Variants in GNA15 observed in about 807,000 individuals in gnomAD.
The protein encoded by GNA15 is G protein subunit alpha 15, also known as guanine nucleotide-binding protein subunit alpha-15.
A neutral mutation model predicts 40.1 loss-of-function variants in GNA15; 23 were observed. The ratio of observed to expected loss-of-function variants is 0.57; its 90% CI spans 0.41 to 0.81. The LOEUF is 0.81. GNA15 is among the 40% of genes least tolerant of loss of function. GNA15 has a pLI of 0.00. For missense variants in GNA15, 522 were observed against 515.8 expected, an observed-to-expected ratio of 1.01 and a Z score of -0.12; for synonymous variants, 226 against 210.4, an observed-to-expected ratio of 1.07 and a Z score of -0.64.
chr19:3,155,681 G>A lies in GNA15; in HGVS notation c.615-142G>A. 1.1e-6 allele frequency: 1 copy of A among 930,502 alleles called. No individual in the cohort carries two copies. The highest frequency in any genetic ancestry group is 1.6e-6 in the Non-Finnish European group (1 of 617,184). The allele number at this position is 930,502 out of a possible 1,614,324, so 57.6% of individuals were successfully genotyped here. A position where few individuals can be genotyped will look rare whatever the true frequency, so the allele number is the denominator to read the frequency against. On this transcript the variant is annotated intron_variant, in intron 4 of 6. Transcript: ENST00000262958. This position sits in a 1 kb window ranked among gnomAD's most constrained non-coding sequence, Gnocchi z 5.6. ...AGACTCATCCTTGCCTCGCGGGAATGACATGGCAAATCCACGAGAGGCTAG... is the reference window on the plus strand; with the variant it reads ...AGACTCATCCTTGCCTCGCGGGAATAACATGGCAAATCCACGAGAGGCTAG...
intron 1 of GNA15, among the ~76,000 whole-genome samples, chr19:3,147,226 AAAT>A (rs1914745317): frequency 6.6e-6 from 1 of 152,232 alleles, no homozygotes. Context: ...TTATTGTAGC[AAAT>A]AATAATACAT....
chr19:3,153,323 G>T (rs1914925326), intron 4 of GNA15, among the ~76,000 whole-genome samples: 1 of 151,792 alleles, frequency 6.6e-6, no homozygotes, highest in Admixed American at 6.6e-5. Flanking sequence ...ATGGATAGAT[G>T]AATAGATGGA....
chr19:3,136,446 G>A lies in GNA15; in HGVS notation c.-5G>A, dbSNP rs867190636. 37 of 1,548,134 alleles carry A rather than the reference G, an allele frequency of 2.4e-5. No individual in the cohort carries two copies. The highest frequency in any genetic ancestry group is 2.9e-5 in the Non-Finnish European group (33 of 1,146,534). Reference sequence around the variant, plus strand: ...CCACCCGGTGCCGACTGAGGCCACCGCACCATGGCCCGCTCGCTGACCTGG... The same window carrying A: ...CCACCCGGTGCCGACTGAGGCCACCACACCATGGCCCGCTCGCTGACCTGG... On this transcript the variant is annotated 5_prime_UTR_variant, in exon 1 of 7. Coordinates refer to ENST00000262958, the MANE Select transcript of GNA15 (RefSeq NM_002068.4). The surrounding 1 kb of genome is among the most constrained non-coding windows in gnomAD (Gnocchi z 4.9).
chr19:3,145,359 A>ATATATTTT lies in GNA15; in HGVS notation c.146-3231_146-3230insATATTTTT. 3.2e-3 allele frequency among the ~76,000 whole-genome samples: 148 copies of ATATATTTT among 46,962 alleles called. 2 individuals are homozygous for ATATATTTT. The highest frequency in any genetic ancestry group is 5.8e-3 in the African/African-American group (63 of 10,912). 30.8% of individuals were successfully genotyped at this position (46,962 alleles called of 152,430 possible). A position where few individuals can be genotyped will look rare whatever the true frequency, so the allele number is the denominator to read the frequency against. Reference sequence around the variant, plus strand: ...TAAATATATATATATATATATATATATTTTTTTTTTTTTGTAGAGATGGGG... The same window carrying ATATATTTT: ...TAAATATATATATATATATATATATATATATTTTTTTTTTTTTTTTTGTAGAGATGGGG... On this transcript the variant is annotated intron_variant, in intron 1 of 6. Coordinates refer to ENST00000262958, the MANE Select transcript of GNA15 (RefSeq NM_002068.4).
intron 6 of GNA15, among the ~76,000 whole-genome samples, chr19:3,158,768 C>G (rs1388520863): frequency 6.6e-6 from 1 of 151,962 alleles, no homozygotes; most frequent in South Asian, 2.1e-4. Flanking sequence ...ATTACAGGCA[C>G]GTGCCACCAA....
intron 1 of GNA15, among the ~76,000 whole-genome samples, chr19:3,146,796 G>A (rs1336809547): frequency 1.3e-5 from 2 of 151,842 alleles, no homozygotes; most frequent in Non-Finnish European, 2.9e-5. Flanking sequence ...ACCTGAGTCA[G>A]GGCCAGTCCC....
rs1468923057 is a variant in GNA15 at position 3,136,927 on chromosome 19, T to C, written c.145+332T>C. On this transcript the variant is annotated intron_variant, in intron 1 of 6. Coordinates refer to ENST00000262958, the MANE Select transcript of GNA15 (RefSeq NM_002068.4). This position sits in a 1 kb window ranked among gnomAD's most constrained non-coding sequence, Gnocchi z 4.9. ...ACCTGTCTGTGTCATGGCGAGGGAA[T>C]GATGAGCTCAGGTGTGCAACCCGTT... Among the ~76,000 whole-genome samples the C allele has an allele frequency of 1.3e-5, 2 of 152,154 alleles. No individual in the cohort carries two copies. Among genetic ancestry groups the C allele is most frequent in the African/African-American group, 2.4e-5 (1 of 41,458 alleles).
rs1325462293 is a variant in GNA15 at position 3,136,567 on chromosome 19, C to T, written c.117C>T (p.Asp39=). 6.4e-7 allele frequency: 1 copy of T among 1,565,890 alleles called. No individual in the cohort carries two copies. The highest frequency in any genetic ancestry group is 1.4e-5 in the African/African-American group (1 of 73,962). ...NRILLEQKKQ[D]RGELKLLLLG... Reference sequence around the variant, plus strand: ...TCCTCTTGGAGCAGAAGAAGCAGGACCGCGGGGAGCTGAAGCTGCTGCTTT... The same window carrying T: ...TCCTCTTGGAGCAGAAGAAGCAGGATCGCGGGGAGCTGAAGCTGCTGCTTT... Residue 39 remains aspartate (D), a synonymous_variant, in exon 1 of 7, where the codon GAC becomes GAT. Transcript: ENST00000262958. This position sits in a 1 kb window ranked among gnomAD's most constrained non-coding sequence, Gnocchi z 4.9.
intron 1 of GNA15, among the ~76,000 whole-genome samples, chr19:3,147,707 A>AT (rs1914763011): frequency 6.6e-6 from 1 of 151,846 alleles, no homozygotes; most frequent in South Asian, 2.1e-4. Context: ...GACCACGGTG[A>AT]AACCCCGTCT....
At chr19:3,144,234 T>C (rs1321540136) in intron 1 of GNA15, among the ~76,000 whole-genome samples, 1 of 151,304 alleles carries the variant, frequency 6.6e-6, no homozygotes, top group Non-Finnish European at 1.5e-5. Context: ...GCCAGCAAGC[T>C]CACAATTCCC....
chr19:3,150,876 G>A (rs1914865594), intron 3 of GNA15, among the ~76,000 whole-genome samples: 1 of 151,336 alleles, frequency 6.6e-6, no homozygotes, highest in South Asian at 2.1e-4. Context: ...GGGTGACCCT[G>A]TTTCTGGGGG....
At chr19:3,162,210 C>T (rs371932238) in intron 6 of GNA15, among the ~76,000 whole-genome samples, 19 of 151,584 alleles carry the variant, frequency 1.3e-4, no homozygotes, top group East Asian at 7.8e-4. Flanking sequence ...GGGGTCAAGG[C>T]GGGCTGATCA....
chr19:3,153,643 G>C (rs1203961473), intron 4 of GNA15, among the ~76,000 whole-genome samples: 1 of 150,582 alleles, frequency 6.6e-6, no homozygotes, highest in Admixed American at 6.6e-5. Flanking sequence ...TGAATGGATG[G>C]GTGGGTGGAT....
rs777860419 is a variant in GNA15, at chr19:3,136,638, G to A, written c.145+43G>A. 21 of 1,525,866 alleles carry A rather than the reference G, an allele frequency of 1.4e-5. No individual in the cohort carries two copies. The South Asian group carries it at 1.4e-4, about 11-fold the overall frequency. The allele number at this position is 1,525,866 out of a possible 1,614,324, so 94.5% of individuals were successfully genotyped here. On this transcript the variant is annotated intron_variant, in intron 1 of 6. Transcript: ENST00000262958. This position sits in a 1 kb window ranked among gnomAD's most constrained non-coding sequence, Gnocchi z 4.9. ...GGGCGGTGGGTGGTGGGCAGTGGGC[G>A]GTGGCCAGCCGGCAGGGGTGTCGGG...
At chr19:3,156,163 GACACACACACACAC>G (rs141415003) in intron 5 of GNA15, among the ~76,000 whole-genome samples, 5 of 136,042 alleles carry the variant, frequency 3.7e-5, no homozygotes, top group East Asian at 2.2e-4. Flanking sequence ...CAGGACCCCA[GACACACACACACAC>G]ACACACACAC....
chr19:3,161,608 T>G (rs1915139798), intron 6 of GNA15, among the ~76,000 whole-genome samples: 1 of 152,080 alleles, frequency 6.6e-6, no homozygotes, highest in Non-Finnish European at 1.5e-5. Flanking sequence ...GGGAATCAGC[T>G]CATAGTTTAG....
intron 5 of GNA15, 68 bp from the exon 6 acceptor site, chr19:3,157,660 C>A (rs1016648809): frequency 6.9e-7 from 1 of 1,442,376 alleles, no homozygotes; most frequent in African/African-American, 1.4e-5. Flanking sequence ...GCCCCGTCTC[C>A]GCGATGGGAG....
intron 1 of GNA15, among the ~76,000 whole-genome samples, chr19:3,147,456 G>C (rs1914751772): frequency 6.6e-6 from 1 of 151,914 alleles, no homozygotes; most frequent in Admixed American, 6.6e-5. Context: ...GGGAGGCTGA[G>C]GGAGGAGAAT....
At chr19:3,161,361 A>C (rs1421906927) in intron 6 of GNA15, among the ~76,000 whole-genome samples, 2 of 152,222 alleles carry the variant, frequency 1.3e-5, no homozygotes, top group Non-Finnish European at 2.9e-5. Context: ...GTTCACCTCA[A>C]TATACAAGCA....
Sources: allele counts gnomAD v4.1 joint callset (sites outside exome capture counted in the v4.1 genomes callset), GRCh38; gene constraint gnomAD v4.1.1; non-coding constraint Gnocchi (gnomAD v3.1); transcripts MANE v1.5; gene names NCBI Gene and HGNC (gene_info 2026-07-23, HGNC 2026-07-21).